The following RLF variants were observed in gnomAD, a reference collection of about 807,000 sequenced individuals.
RLF encodes the protein zinc finger protein Rlf.
RLF carries 7 observed loss-of-function variants against 162.9 expected under a neutral mutation model. The ratio of observed to expected loss-of-function variants is 0.04; its 90% CI spans 0.02 to 0.08. The LOEUF (loss-of-function observed/expected upper bound fraction) is 0.08, where lower values mean the gene tolerates loss of function less well. Among genes scored for constraint, RLF ranks in the 10% least tolerant of loss-of-function variants. The pLI, the probability that RLF is intolerant of heterozygous loss-of-function variation, is 1.00. For synonymous variants in RLF, 782 were observed against 791.5 expected (o/e 0.99, Z 0.20); for missense variants, 1,664 against 2,244.7 (o/e 0.74, Z 5.23).
In RLF at chr1:40,237,284, C is replaced by A; in HGVS notation, c.2582C>A (p.Thr861Asn). ...AATCAGCCCCATCTACTTAACCAAA[C>A]TGATAAATCACATTTACCTGAAGAT... ...CINQPHLLNQ[T>N]DKSHLPEDLF... The change falls in exon 8 of 8, where the codon ACT becomes AAT. Residue 861 changes from threonine to asparagine, a missense_variant. Thr to Asn is a moderately conservative substitution (Grantham distance 65). This residue lies in a region of RLF where 295 missense variants were observed against 317.4 expected (regional missense o/e 0.93). Coordinates refer to ENST00000372771, the MANE Select transcript of RLF (RefSeq NM_012421.4). This position sits in a 1 kb window ranked among gnomAD's most constrained non-coding sequence, Gnocchi z 4.4. 5.0e-6 allele frequency: 8 copies of A among 1,614,076 alleles called. No homozygotes were observed. The highest frequency in any genetic ancestry group is 6.8e-6 in the Non-Finnish European group (8 of 1,180,006).
intron 4 of RLF, among the ~76,000 whole-genome samples, chr1:40,199,381 G>T (rs770765986): frequency 6.6e-6 from 1 of 152,198 alleles, no homozygotes; most frequent in Non-Finnish European, 1.5e-5. Context: ...CATTTACTCC[G>T]TGTTTGGCCT....
chr1:40,221,675 T>G (rs931330645), intron 5 of RLF, among the ~76,000 whole-genome samples: 1 of 147,958 alleles, frequency 6.8e-6, no homozygotes, highest in Non-Finnish European at 1.5e-5. Context: ...CCAAGGCGGG[T>G]GAATCACGAG....
chr1:40,213,751 A>G (rs913795392), intron 5 of RLF, among the ~76,000 whole-genome samples: 2 of 152,270 alleles, frequency 1.3e-5, no homozygotes, highest in African/African-American at 4.8e-5. Flanking sequence ...ATCTATTACT[A>G]GGAACAAATT....
intron 5 of RLF, among the ~76,000 whole-genome samples, chr1:40,219,141 A>C (rs1642961157): frequency 6.6e-6 from 1 of 152,206 alleles, no homozygotes. Flanking sequence ...ATTGAGGACA[A>C]GTAGTATAAC....
chr1:40,204,206 G>A (rs1369700764), intron 5 of RLF, among the ~76,000 whole-genome samples: 1 of 151,896 alleles, frequency 6.6e-6, no homozygotes, highest in Non-Finnish European at 1.5e-5. Flanking sequence ...TTGTAGAGAT[G>A]GGGTTTCACC....
chr1:40,170,841 C>G (rs1427546129), intron 1 of RLF, among the ~76,000 whole-genome samples: 1 of 152,102 alleles, frequency 6.6e-6, no homozygotes, highest in African/African-American at 2.4e-5. Flanking sequence ...TATAGGTTTA[C>G]CTATATTGCT....
chr1:40,179,454 G>A (rs942866069), intron 1 of RLF, among the ~76,000 whole-genome samples: 1 of 151,946 alleles, frequency 6.6e-6, no homozygotes, highest in Non-Finnish European at 1.5e-5. Flanking sequence ...TATCCTCCCT[G>A]CCCCCAGCCC....
intron 1 of RLF, among the ~76,000 whole-genome samples, chr1:40,175,857 T>G (rs558579736): frequency 4.6e-5 from 7 of 151,918 alleles, no homozygotes; most frequent in Admixed American, 3.3e-4. Context: ...ATCAAGATTA[T>G]GATTATATCC....
intron 1 of RLF, among the ~76,000 whole-genome samples, chr1:40,174,218 A>G (rs1642284246): frequency 6.6e-6 from 1 of 152,128 alleles, no homozygotes; most frequent in African/African-American, 2.4e-5. Flanking sequence ...TAAAACTACA[A>G]AAATCAGCTA....
intron 3 of RLF, 104 bp from the exon 4 acceptor site, chr1:40,195,528 C>T: frequency 1.1e-6 from 1 of 877,720 alleles, no homozygotes; most frequent in Non-Finnish European, 1.7e-6. Flanking sequence ...TTCAGGAAAT[C>T]CAAATAGGTT....
Position 40,235,787 on chromosome 1 carries a change from T to TA in RLF, c.1090-4dup. ...AATAATTTTTTTATCCTCTTTTACT[T>TA]ACAGGCACAAGATGCTGGTCTTGGG... On this transcript the variant is annotated splice_polypyrimidine_tract_variant and splice_region_variant and intron_variant, in intron 7 of 7. Coordinates refer to ENST00000372771, the MANE Select transcript of RLF (RefSeq NM_012421.4). The TA allele has an allele frequency of 6.5e-7, 1 of 1,528,762 alleles. No individual in the cohort carries two copies. Among genetic ancestry groups the TA allele is most frequent in the Non-Finnish European group, 8.8e-7 (1 of 1,141,958 alleles). 94.7% of individuals were successfully genotyped at this position (1,528,762 alleles called of 1,614,324 possible). A position where few individuals can be genotyped will look rare whatever the true frequency, so the allele number is the denominator to read the frequency against.
chr1:40,236,261 A>G lies in RLF; in HGVS notation c.1559A>G (p.Asp520Gly), dbSNP rs1643216336. 2 of 1,613,850 alleles carry G rather than the reference A, an allele frequency of 1.2e-6. No individual in the cohort carries two copies. Among genetic ancestry groups the G allele is most frequent in the Non-Finnish European group, 1.7e-6 (2 of 1,179,952 alleles). Residue 520 changes from aspartate (D) to glycine (G), a missense_variant, in exon 8 of 8, where the codon GAT (aspartate) becomes GGT (glycine). Around this residue, in one of 15 missense-constraint regions of RLF, gnomAD observed 54 missense variants for 71.7 expected, o/e 0.75. Coordinates refer to ENST00000372771, the MANE Select transcript of RLF (RefSeq NM_012421.4). The surrounding 1 kb of genome is among the most constrained non-coding windows in gnomAD (Gnocchi z 7.7). ...FLSDYDEGKE[D>G]KQYRRRDLTD... ...AGTGACTATGATGAGGGTAAAGAAG[A>G]TAAACAATATAGAAGAAGAGATTTG...
rs568710313 is a variant in RLF at position 40,222,510 on chromosome 1, A to G, written c.811-64A>G. 25 of 1,550,622 alleles carry G rather than the reference A, an allele frequency of 1.6e-5. No homozygotes were observed. In the East Asian group the frequency reaches 1.8e-4, roughly 11 times the overall value. On this transcript the variant is annotated intron_variant, in intron 5 of 7. Coordinates refer to ENST00000372771, the MANE Select transcript of RLF (RefSeq NM_012421.4). ...TTGCCTCATTAAGAAGTTTCACCTT[A>G]TATAACAAAGTTTACTGAAAAGTCA...
At chr1:40,215,852 A>G (rs1310571047) in intron 5 of RLF, among the ~76,000 whole-genome samples, 5 of 152,080 alleles carry the variant, frequency 3.3e-5, no homozygotes, top group Admixed American at 2.0e-4. Context: ...TCTTAAGCCA[A>G]TAACCTAACG....
intron 1 of RLF, among the ~76,000 whole-genome samples, chr1:40,188,136 A>G (rs1642506667): frequency 1.3e-5 from 2 of 152,136 alleles, no homozygotes; most frequent in Non-Finnish European, 2.9e-5. Flanking sequence ...AAACCTAATC[A>G]GTTGTCAGAA....
intron 1 of RLF, among the ~76,000 whole-genome samples, chr1:40,180,048 G>A (rs775333363): frequency 3.3e-5 from 5 of 152,016 alleles, no homozygotes; most frequent in Non-Finnish European, 5.9e-5. Flanking sequence ...CTGTGAACAC[G>A]CGTGTACAAA....
intron 1 of RLF, among the ~76,000 whole-genome samples, chr1:40,186,795 G>T (rs932259154): frequency 6.6e-6 from 1 of 152,152 alleles, no homozygotes; most frequent in Non-Finnish European, 1.5e-5. Flanking sequence ...AATGTATTCA[G>T]CAGACATTTA....
In RLF at chr1:40,230,425, T is replaced by G. The variant is rs898369086; in HGVS notation, c.948-1092T>G. 5.9e-5 allele frequency among the ~76,000 whole-genome samples: 9 copies of G among 152,124 alleles called. No individual in the cohort carries two copies. In the East Asian group the frequency reaches 9.6e-4, roughly 16 times the overall value. On this transcript the variant is annotated intron_variant, in intron 6 of 7. Coordinates refer to ENST00000372771, the MANE Select transcript of RLF (RefSeq NM_012421.4). ...AGCATTCTTTTTAGTTTAGTGTTTT[T>G]TTTGTTTGTTTGTTTTGTTTTTTTG...
At position 40,236,536 on chromosome 1, in the gene RLF, A is replaced by C. The variant is rs1375406458; in HGVS notation, c.1834A>C (p.Arg612=). The C allele has an allele frequency of 1.2e-6, 2 of 1,614,094 alleles. No individual in the cohort carries two copies. Among genetic ancestry groups the C allele is most frequent in the Non-Finnish European group, 1.7e-6 (2 of 1,179,994 alleles). ...GCATGTTAAAATGCCACCAAGCAGA[A>C]GGGACCGCTCTAAAAAGAAATTACT... ...MEHVKMPPSR[R]DRSKKKLLLK... The change falls in exon 8 of 8, where the codon AGG becomes CGG. Residue 612 remains arginine (R), a synonymous_variant. Coordinates refer to ENST00000372771, the MANE Select transcript of RLF (RefSeq NM_012421.4). The surrounding 1 kb of genome is among the most constrained non-coding windows in gnomAD (Gnocchi z 7.7).
Sources: gnomAD v4.1 joint callset for allele counts (sites outside exome capture counted in the v4.1 genomes callset) on GRCh38, gnomAD v4.1.1 for gene constraint, gnomAD v4.1.1 regional missense constraint, Gnocchi (gnomAD v3.1) non-coding constraint, MANE v1.5 for transcripts, NCBI Gene and HGNC (gene_info 2026-07-23, HGNC 2026-07-21) for gene names.